CFAP92: variants seen among roughly 807,000 people sequenced by gnomAD.
CFAP92 encodes cilia and flagella associated protein 92 (putative), also known as uncharacterized protein CFAP92.
In CFAP92, 86 loss-of-function variants were observed where a neutral mutation model predicts 106.3. The ratio of observed to expected loss-of-function variants is 0.81; its 90% CI spans 0.68 to 0.97. CFAP92 has a LOEUF of 0.97. Among genes scored for constraint, CFAP92 ranks in the 50% least tolerant of loss-of-function variants. The pLI, the probability that CFAP92 is intolerant of heterozygous loss-of-function variation, is 0.00. For synonymous variants in CFAP92, 477 were observed against 506.4 expected, an observed-to-expected ratio of 0.94 and a Z score of 0.78; for missense variants, 1,204 against 1,283.8, an observed-to-expected ratio of 0.94 and a Z score of 0.95.
chr3:128,970,922 C>G (rs1446958878), intron 8 of CFAP92: 5 of 287,414 alleles, frequency 1.7e-5, no homozygotes, highest in Non-Finnish European at 2.6e-5. Context: ...TTTCCTCATT[C>G]CCTTTACTAG....
At chr3:128,943,362 T>C (rs1437696308) in intron 10 of CFAP92, among the ~76,000 whole-genome samples, 1 of 145,078 alleles carries the variant, frequency 6.9e-6, no homozygotes, top group Non-Finnish European at 1.5e-5. Context: ...CCCGCTTCTC[T>C]CTTGCCCTCC....
chr3:129,004,192 C>T (rs890778270), upstream of CFAP92: 7 of 1,220,556 alleles, frequency 5.7e-6, no homozygotes, highest in Non-Finnish European at 7.4e-6. Flanking sequence ...TTTCTCCATG[C>T]GTTTATTCAT....
the CFAP92 span, among the ~76,000 whole-genome samples, chr3:129,023,933 C>G: frequency 1.3e-5 from 2 of 152,218 alleles, no homozygotes; most frequent in Non-Finnish European, 2.9e-5. Context: ...TCTGTCCTTT[C>G]TGGAACAATC....
intron 12 of CFAP92, among the ~76,000 whole-genome samples, chr3:128,922,241 G>A (rs967077179): frequency 1.3e-5 from 2 of 152,018 alleles, no homozygotes; most frequent in Non-Finnish European, 2.9e-5. Flanking sequence ...TCTCAGGGAG[G>A]CTGAGGCAGG....
intron 4 of CFAP92, 96 bp from the exon 5 acceptor site, chr3:128,978,281 C>T (rs779166799): frequency 2.5e-5 from 31 of 1,253,756 alleles, no homozygotes; most frequent in Middle Eastern, 3.9e-4. Flanking sequence ...ACTGGGCGTT[C>T]GGTTTCAGAC....
chr3:128,945,396 C>A lies in CFAP92; in HGVS notation c.1933G>T (p.Gly645Trp). ...AGGTCAGGATCAGCAGCTCTGGCCC[C>A]GGCCCTCAGTGGCACCGCGATGTCC... ...RVDIAVPLRA[G>W]ARAADPDLGG... Residue 645 changes from glycine (G) to tryptophan (W), a missense_variant, in exon 10 of 16, where the codon GGG (glycine) becomes TGG (tryptophan). By Grantham distance (184) the Gly-to-Trp change is radical. Coordinates refer to ENST00000645291, the MANE Select transcript of CFAP92 (RefSeq NM_001394090.1). 2 of 1,536,146 alleles carry A rather than the reference C, an allele frequency of 1.3e-6. No homozygotes were observed. Among genetic ancestry groups the A allele is most frequent in the Non-Finnish European group, 1.7e-6 (2 of 1,146,916 alleles).
Position 128,945,131 on chromosome 3 carries a change from A to C in CFAP92, c.2198T>G (p.Phe733Cys). ...TTGGTCGGCCAGGCCTTCCAGGATG[A>C]AAAGGTGTGTCTTCCCGTCCAGCAG... ...FHLLDGKTHL[F>C]ILEGLADQGL... Residue 733 changes from phenylalanine (F) to cysteine (C), a missense_variant, in exon 10 of 16, where the codon TTC (phenylalanine) becomes TGC (cysteine). Coordinates refer to ENST00000645291, the MANE Select transcript of CFAP92 (RefSeq NM_001394090.1). 6.5e-7 allele frequency: 1 copy of C among 1,535,844 alleles called. No individual in the cohort carries two copies. Among genetic ancestry groups the C allele is most frequent in the African/African-American group, 1.4e-5 (1 of 73,158 alleles).
Position 128,916,283 on chromosome 3 carries a change from G to T in CFAP92, c.2752-12C>A. The T allele has an allele frequency of 8.1e-7, 1 of 1,232,018 alleles. No homozygotes were observed. Among genetic ancestry groups the T allele is most frequent in the South Asian group, 4.1e-5 (1 of 24,318 alleles). The allele number at this position is 1,232,018 out of a possible 1,614,324, so 76.3% of individuals were successfully genotyped here. On this transcript the variant is annotated splice_polypyrimidine_tract_variant and intron_variant, in intron 12 of 15. Transcript: ENST00000645291. ...TCTGTGATATTTTTCTGAAGAAAGA[G>T]ACACCAGTCACTACCCACACCAGGT...
At chr3:129,026,519 T>C in the CFAP92 span, among the ~76,000 whole-genome samples, 4 of 152,306 alleles carry the variant, frequency 2.6e-5, no homozygotes, top group Non-Finnish European at 4.4e-5. Context: ...CCATCATTCT[T>C]CATCAGCAGT....
Position 128,910,338 on chromosome 3 carries a change from G to A in CFAP92, c.3281-5C>T, listed in dbSNP as rs1205124381. On this transcript the variant is annotated splice_polypyrimidine_tract_variant and splice_region_variant and intron_variant, in intron 15 of 15. Transcript: ENST00000645291. ...TGTTCCCTTTCTTCTTCCTGACTGA[G>A]AGAAGAGGGGGTGAGTGACAGGGGT... 1.4e-6 allele frequency: 2 copies of A among 1,473,930 alleles called. No individual in the cohort carries two copies. Among genetic ancestry groups the A allele is most frequent in the Non-Finnish European group, 1.8e-6 (2 of 1,115,034 alleles). 91.3% of individuals were successfully genotyped at this position (1,473,930 alleles called of 1,614,324 possible).
chr3:129,002,399 C>A, intron 1 of CFAP92: 16 of 1,457,692 alleles, frequency 1.1e-5, no homozygotes, highest in Non-Finnish European at 1.4e-5. Flanking sequence ...GGCTGCGGAG[C>A]CCGACAGGAC....
At chr3:128,939,967 A>G (rs1040215083) in intron 10 of CFAP92, among the ~76,000 whole-genome samples, 6 of 152,220 alleles carry the variant, frequency 3.9e-5, no homozygotes, top group Admixed American at 1.3e-4. Flanking sequence ...GTACAGGTCC[A>G]TGGCCTAGGG....
At chr3:128,911,127 G>A (rs1335880715) in intron 15 of CFAP92, among the ~76,000 whole-genome samples, 2 of 152,210 alleles carry the variant, frequency 1.3e-5, no homozygotes, top group Non-Finnish European at 2.9e-5. Flanking sequence ...CGCAGTCTTG[G>A]CTCCCTGCAA....
intron 15 of CFAP92, chr3:128,912,759 G>A (rs764166564): frequency 1.3e-6 from 1 of 790,876 alleles, no homozygotes; most frequent in East Asian, 2.5e-5. Context: ...TGGCCTGGGA[G>A]AGCCTCTTCC....
intron 10 of CFAP92, among the ~76,000 whole-genome samples, chr3:128,942,916 C>CTTTTTT (rs36073693): frequency 2.4e-5 from 2 of 84,952 alleles, no homozygotes; most frequent in African/African-American, 6.1e-5. Context: ...AAAACTCAAC[C>CTTTTTT]TTTTTTTTTT....
chr3:128,979,947 A>ATATATATATATATAT (rs1553758975), intron 4 of CFAP92, among the ~76,000 whole-genome samples: 1 of 128,304 alleles, frequency 7.8e-6, no homozygotes, highest in African/African-American at 3.0e-5. Flanking sequence ...AAAGTATAAT[A>ATATATATATATATAT]ATATATATAT....
intron 4 of CFAP92, among the ~76,000 whole-genome samples, chr3:128,984,620 T>A (rs2107807176): frequency 6.6e-6 from 1 of 152,344 alleles, no homozygotes; most frequent in East Asian, 1.9e-4. Context: ...TCCTTGCTCC[T>A]CAGCTTGCAG....
At chr3:128,911,045 GTGTATGTA>G (rs531719665) in intron 15 of CFAP92, among the ~76,000 whole-genome samples, 7 of 152,164 alleles carry the variant, frequency 4.6e-5, no homozygotes, top group African/African-American at 4.8e-5. Context: ...ATGTGTGTGT[GTGTATGTA>G]TGTATGTATG....
At chr3:128,981,489 C>G (rs1943533838) in intron 4 of CFAP92, among the ~76,000 whole-genome samples, 1 of 152,104 alleles carries the variant, frequency 6.6e-6, no homozygotes, top group Non-Finnish European at 1.5e-5. Context: ...TGCCACCACA[C>G]CCAGATATTT....
Sources: gnomAD v4.1 joint callset for allele counts (sites outside exome capture counted in the v4.1 genomes callset) on GRCh38, gnomAD v4.1.1 for gene constraint, MANE v1.5 for transcripts, NCBI Gene and HGNC (gene_info 2026-07-23, HGNC 2026-07-21) for gene names.